The following PRKG1 variants were observed in gnomAD, a reference collection of about 807,000 sequenced individuals.
PRKG1 encodes the protein cGMP-dependent protein kinase 1.
PRKG1 carries 35 observed loss-of-function variants against 88.1 expected under a neutral mutation model. The ratio of observed to expected loss-of-function variants is 0.40; its 90% CI spans 0.30 to 0.53. The LOEUF (loss-of-function observed/expected upper bound fraction) is 0.53, where lower values mean the gene tolerates loss of function less well. Ranked by LOEUF, PRKG1 falls within the 20% of genes least tolerant of loss-of-function variation. The pLI, the probability that PRKG1 is intolerant of heterozygous loss-of-function variation, is 0.59. For synonymous variants in PRKG1, 303 were observed against 292.5 expected (o/e 1.04, Z -0.37); for missense variants, 540 against 839.8 (o/e 0.64, Z 4.41).
At chr10:51,721,090 G>A (rs1235993686) in intron 3 of PRKG1, among the ~76,000 whole-genome samples, 1 of 151,832 alleles carries the variant, frequency 6.6e-6, no homozygotes, top group African/African-American at 2.4e-5. Flanking sequence ...ATGTGTGCCT[G>A]TAGTCCCGGC....
intron 4 of PRKG1, among the ~76,000 whole-genome samples, chr10:51,892,986 T>A (rs1937669): frequency 0.75 from 114,511 of 152,136 alleles, 43,608 homozygotes; most frequent in African/African-American, 0.87. Context: ...AAAATGTATA[T>A]GATTTTATTT....
intron 2 of PRKG1, among the ~76,000 whole-genome samples, chr10:51,222,729 C>T (rs192094562): frequency 5.9e-4 from 90 of 151,994 alleles, no homozygotes; most frequent in African/African-American, 2.0e-3. Flanking sequence ...TTAGGGTGGC[C>T]ACCATAAGTA....
chr10:51,054,490 T>C (rs1323651892), intron 1 of PRKG1, among the ~76,000 whole-genome samples: 2 of 152,158 alleles, frequency 1.3e-5, no homozygotes, highest in Non-Finnish European at 2.9e-5. Flanking sequence ...CCTATTCCAA[T>C]AGAGTTCCAG....
chr10:51,825,603 A>G (rs1839863758), intron 4 of PRKG1, among the ~76,000 whole-genome samples: 1 of 152,152 alleles, frequency 6.6e-6, no homozygotes. Flanking sequence ...TCCTGTGCCT[A>G]CAACAGCTGC....
chr10:51,778,312 C>G (rs1268194760), intron 3 of PRKG1, among the ~76,000 whole-genome samples: 1 of 152,102 alleles, frequency 6.6e-6, no homozygotes. Context: ...GAAATGTTCT[C>G]AGGTCGTTGT....
intron 3 of PRKG1, among the ~76,000 whole-genome samples, chr10:51,589,970 A>C (rs1838268979): frequency 6.6e-6 from 1 of 152,178 alleles, no homozygotes; most frequent in Admixed American, 6.5e-5. Context: ...TGAATAGGAG[A>C]TCATAGAAGA....
chr10:51,786,467 G>A (rs780558223), intron 3 of PRKG1, among the ~76,000 whole-genome samples: 6 of 152,080 alleles, frequency 3.9e-5, no homozygotes, highest in African/African-American at 7.2e-5. Flanking sequence ...CTTCACTTGT[G>A]TAGCTCCTCC....
chr10:52,292,079 A>T, intron 17 of PRKG1, among the ~76,000 whole-genome samples: 1 of 152,094 alleles, frequency 6.6e-6, no homozygotes, highest in Non-Finnish European at 1.5e-5. Flanking sequence ...GTGTCGGTTC[A>T]TGTCCTTGGC....
At chr10:52,036,885 G>A (rs1167536899) in intron 5 of PRKG1, among the ~76,000 whole-genome samples, 2 of 152,120 alleles carry the variant, frequency 1.3e-5, no homozygotes. Flanking sequence ...AGGGAAACAG[G>A]CCCTTGAAAA....
At chr10:51,184,630 T>G (rs1837435839) in intron 2 of PRKG1, among the ~76,000 whole-genome samples, 1 of 152,182 alleles carries the variant, frequency 6.6e-6, no homozygotes, top group Non-Finnish European at 1.5e-5. Context: ...CTTTTTTTCA[T>G]TTTAGGATGA....
intron 3 of PRKG1, among the ~76,000 whole-genome samples, chr10:51,653,067 G>C (rs1211912778): frequency 6.6e-6 from 1 of 152,132 alleles, no homozygotes; most frequent in Non-Finnish European, 1.5e-5. Context: ...AAACCAAATA[G>C]TATTTCATAG....
chr10:52,073,050 G>C (rs1436889700), intron 7 of PRKG1, among the ~76,000 whole-genome samples: 1 of 152,204 alleles, frequency 6.6e-6, no homozygotes, highest in East Asian at 1.9e-4. Flanking sequence ...GGAGGAATCT[G>C]TTCCATGCCT....
At chr10:51,318,396 C>T (rs1841374385) in intron 2 of PRKG1, among the ~76,000 whole-genome samples, 1 of 152,146 alleles carries the variant, frequency 6.6e-6, no homozygotes, top group African/African-American at 2.4e-5. Flanking sequence ...GTAAAACATT[C>T]AGCATGGTGT....
Position 51,096,440 on chromosome 10 carries a change from C to T in PRKG1, c.311+21539C>T, listed in dbSNP as rs190043583. ...GATAGTTAGTAGACCATGGTGTTTT[C>T]TTGTATGGGCTCTGGAGTCAGAGAA... On this transcript the variant is annotated intron_variant, in intron 1 of 17. Transcript: ENST00000373980. 1.5e-3 allele frequency among the ~76,000 whole-genome samples: 230 copies of T among 152,292 alleles called. 1 individual carries two copies. The highest frequency in any genetic ancestry group is 5.2e-3 in the African/African-American group (217 of 41,570).
intron 3 of PRKG1, among the ~76,000 whole-genome samples, chr10:51,720,991 G>T (rs1282644626): frequency 6.6e-6 from 1 of 151,924 alleles, no homozygotes; most frequent in Non-Finnish European, 1.5e-5. Context: ...AGGATCTCTT[G>T]AGGCCAGGAG....
At chr10:51,362,405 CT>C (rs542332844) in intron 2 of PRKG1, among the ~76,000 whole-genome samples, 24 of 150,234 alleles carry the variant, frequency 1.6e-4, no homozygotes, top group Non-Finnish European at 2.1e-4. Context: ...TGTGAGTCTT[CT>C]TTTTTTTTGG....
intron 4 of PRKG1, among the ~76,000 whole-genome samples, chr10:51,825,957 G>T (rs1839871725): frequency 6.6e-6 from 1 of 152,178 alleles, no homozygotes; most frequent in Non-Finnish European, 1.5e-5. Flanking sequence ...AATCAGAGAA[G>T]AAAGGAGAAG....
intron 2 of PRKG1, among the ~76,000 whole-genome samples, chr10:51,459,566 G>C (rs1397527464): frequency 6.6e-6 from 1 of 151,974 alleles, no homozygotes; most frequent in Non-Finnish European, 1.5e-5. Context: ...TCTTTGTCTT[G>C]CTACATGTAT....
At chr10:51,877,342 G>T (rs376729913) in intron 4 of PRKG1, among the ~76,000 whole-genome samples, 2 of 151,978 alleles carry the variant, frequency 1.3e-5, no homozygotes, top group African/African-American at 4.8e-5. Flanking sequence ...TAAACAACCC[G>T]ATAAGCTTTA....
Sources: gnomAD v4.1 joint callset for allele counts (sites outside exome capture counted in the v4.1 genomes callset) on GRCh38, gnomAD v4.1.1 for gene constraint, MANE v1.5 for transcripts, NCBI Gene and HGNC (gene_info 2026-07-23, HGNC 2026-07-21) for gene names.